WDR20: variants seen among roughly 807,000 people sequenced by gnomAD.
WDR20 encodes the protein WD repeat-containing protein 20.
A neutral mutation model predicts 38.7 loss-of-function variants in WDR20; 3 were observed. That is an observed-to-expected ratio of 0.08 (90% CI 0.04 to 0.20). The LOEUF is 0.20. WDR20 is among the 10% of genes least tolerant of loss of function. WDR20 has a pLI of 1.00. For synonymous variants in WDR20, 298 were observed against 285.6 expected, an observed-to-expected ratio of 1.04 and a Z score of -0.44; for missense variants, 559 against 727.7, an observed-to-expected ratio of 0.77 and a Z score of 2.67.
intron 1 of WDR20, among the ~76,000 whole-genome samples, chr14:102,161,231 A>C (rs532884295): frequency 1.7e-4 from 23 of 136,280 alleles, no homozygotes; most frequent in Admixed American, 3.1e-4. Flanking sequence ...GCTCACTGCA[A>C]CCTCCGCCTC....
upstream of WDR20, chr14:102,139,436 G>A (rs1339911758): frequency 6.0e-6 from 9 of 1,509,912 alleles, no homozygotes; most frequent in Non-Finnish European, 8.0e-6. Context: ...CCGCGTGCTG[G>A]CTCCGAAGCG....
At chr14:102,189,348 T>A (rs1325015094) in intron 1 of WDR20, among the ~76,000 whole-genome samples, 1 of 152,236 alleles carries the variant, frequency 6.6e-6, no homozygotes, top group Non-Finnish European at 1.5e-5. Flanking sequence ...TCACTTAAAA[T>A]TTTTCTATTA....
At chr14:102,155,156 C>T (rs932364017) in intron 1 of WDR20, among the ~76,000 whole-genome samples, 6 of 152,110 alleles carry the variant, frequency 3.9e-5, no homozygotes, top group African/African-American at 1.2e-4. Context: ...CTCAGAGCCT[C>T]GGGTTTCATT....
chr14:102,161,954 G>A lies in WDR20; in HGVS notation c.249+21782G>A, dbSNP rs565627684. ...ATTGGATTAACCAGCCCATTCCTGC[G>A]GCCAAGGAAATACGCACTGGTTAAC... On this transcript the variant is annotated intron_variant, in intron 1 of 2. Transcript: ENST00000342702. Among the ~76,000 whole-genome samples, 11 of 152,130 alleles carry A rather than the reference G, an allele frequency of 7.2e-5. No homozygotes were observed. In the South Asian group the frequency reaches 1.0e-3, roughly 14 times the overall value.
At chr14:102,193,580 A>G in intron 1 of WDR20, 1 of 1,521,564 alleles carries the variant, frequency 6.6e-7, no homozygotes, top group Non-Finnish European at 9.0e-7. Context: ...TCCCAGAACT[A>G]CTTGTTACCG....
intron 1 of WDR20, among the ~76,000 whole-genome samples, chr14:102,169,519 A>G (rs1469691975): frequency 6.6e-6 from 1 of 152,072 alleles, no homozygotes; most frequent in Non-Finnish European, 1.5e-5. Context: ...ATGAATGGAT[A>G]GTGGATATTC....
At chr14:102,175,806 T>A (rs926733274) in intron 1 of WDR20, among the ~76,000 whole-genome samples, 8 of 152,210 alleles carry the variant, frequency 5.3e-5, no homozygotes, top group Admixed American at 3.9e-4. Context: ...TTTATTTTTT[T>A]GCAGTTATTG....
intron 1 of WDR20, among the ~76,000 whole-genome samples, chr14:102,176,351 C>T (rs899495197): frequency 1.9e-4 from 29 of 151,724 alleles, no homozygotes; most frequent in Admixed American, 5.3e-4. Context: ...GCCAAGATCG[C>T]GCCACTGTAC....
At chr14:102,180,860 T>C (rs1242784182) in intron 1 of WDR20, among the ~76,000 whole-genome samples, 3 of 152,224 alleles carry the variant, frequency 2.0e-5, no homozygotes, top group Non-Finnish European at 4.4e-5. Context: ...AATTGCTGCC[T>C]GTTTCCGCCA....
chr14:102,173,937 G>A (rs765640546), intron 1 of WDR20, among the ~76,000 whole-genome samples: 6 of 151,716 alleles, frequency 4.0e-5, no homozygotes, highest in East Asian at 1.9e-4. Flanking sequence ...TCAGCTACTC[G>A]GGAGGCTGAG....
chr14:102,194,308 G>A (rs1266625421), intron 1 of WDR20, among the ~76,000 whole-genome samples: 1 of 152,184 alleles, frequency 6.6e-6, no homozygotes, highest in Admixed American at 6.5e-5. Context: ...CCCAGGAAGG[G>A]AGCCACCTGT....
intron 1 of WDR20, among the ~76,000 whole-genome samples, chr14:102,194,309 A>G (rs1199996867): frequency 6.6e-6 from 1 of 152,202 alleles, no homozygotes; most frequent in Non-Finnish European, 1.5e-5. Context: ...CCAGGAAGGG[A>G]GCCACCTGTA....
At position 102,208,045 on chromosome 14, in the gene WDR20, G is replaced by A. The variant is rs897383059; in HGVS notation, c.433-558G>A. ...GCTCTGTTTTGGAGTTGTGTGTGCT[G>A]CCAGCCATGGACTGTGGATTTCACT... is the stretch of plus-strand genomic sequence containing the variant. On this transcript the variant is annotated intron_variant, in intron 2 of 2. Coordinates refer to ENST00000342702, the MANE Select transcript of WDR20 (RefSeq NM_144574.4). This position sits in a 1 kb window ranked among gnomAD's most constrained non-coding sequence, Gnocchi z 5.6. 6.6e-6 allele frequency among the ~76,000 whole-genome samples: 1 copy of A among 152,194 alleles called. No homozygotes were observed. Among genetic ancestry groups the A allele is most frequent in the African/African-American group, 2.4e-5 (1 of 41,440 alleles).
rs541633932 is a variant in WDR20 at position 102,152,547 on chromosome 14, T to C, written c.249+12375T>C. Among the ~76,000 whole-genome samples, 87 of 151,968 alleles carry C rather than the reference T, an allele frequency of 5.7e-4. 1 individual carries two copies. Among genetic ancestry groups the C allele is most frequent in the African/African-American group, 2.0e-3 (84 of 41,460 alleles). On this transcript the variant is annotated intron_variant, in intron 1 of 2. Coordinates refer to ENST00000342702, the MANE Select transcript of WDR20 (RefSeq NM_144574.4). ...CTCCTGCCTCAGACTCCCGAGTAGC[T>C]GGGACTATAGGCGTGTGCCACCATG...
At chr14:102,214,079 C>T, downstream of WDR20, 1 of 985,572 alleles carries the variant, frequency 1.0e-6, no homozygotes. Flanking sequence ...CGGGGTTGCA[C>T]CATGGCGGCG....
Position 102,220,731 on chromosome 14 carries a change from A to G in WDR20, c.1693-2099A>G, listed in dbSNP as rs1260387644. ...TGAGACTCCGTCTCAAAAAAAAAAAAAAAAAAGAAAATATTAAAATTAATG... is the reference window on the plus strand; with the variant it reads ...TGAGACTCCGTCTCAAAAAAAAAAAGAAAAAAGAAAATATTAAAATTAATG... On this transcript the variant is annotated intron_variant, in intron 3 of 3. Coordinates refer to the WDR20 transcript ENST00000335263. The surrounding 1 kb of genome is among the most constrained non-coding windows in gnomAD (Gnocchi z 4.2). Among the ~76,000 whole-genome samples the G allele has an allele frequency of 6.6e-6, 1 of 152,070 alleles. No homozygotes were observed. Among genetic ancestry groups the G allele is most frequent in the East Asian group, 1.9e-4 (1 of 5,200 alleles).
intron 1 of WDR20, among the ~76,000 whole-genome samples, chr14:102,166,654 ATACTC>A (rs1566881513): frequency 6.6e-6 from 1 of 152,128 alleles, no homozygotes; most frequent in African/African-American, 2.4e-5. Context: ...TTGGTATACT[ATACTC>A]TTCATTATCT....
chr14:102,217,486 C>T (rs540039594), downstream of WDR20, among the ~76,000 whole-genome samples: 1 of 152,200 alleles, frequency 6.6e-6, no homozygotes, highest in Non-Finnish European at 1.5e-5. Context: ...CCCTCACTGT[C>T]ACCTGTCAGT....
At chr14:102,175,554 T>C (rs1464540233) in intron 1 of WDR20, among the ~76,000 whole-genome samples, 6 of 152,182 alleles carry the variant, frequency 3.9e-5, no homozygotes, top group East Asian at 3.8e-4. Context: ...TGTTTTCATA[T>C]GAATTTTAGG....
Sources: gnomAD v4.1 joint callset for allele counts (sites outside exome capture counted in the v4.1 genomes callset) on GRCh38, gnomAD v4.1.1 for gene constraint, Gnocchi (gnomAD v3.1) non-coding constraint, MANE v1.5 for transcripts, NCBI Gene and HGNC (gene_info 2026-07-23, HGNC 2026-07-21) for gene names.